C9: variants seen among roughly 807,000 people sequenced by gnomAD.
The protein encoded by C9 is complement component C9.
A neutral mutation model predicts 65.4 loss-of-function variants in C9; 63 were observed. The observed-to-expected ratio is 0.96, with a 90% CI of 0.79 to 1.19. C9 has a LOEUF of 1.19. Among genes scored for constraint, C9 ranks in the 50% most tolerant of loss-of-function variants. The pLI is 0.00. For missense variants in C9, 744 were observed against 670.1 expected, an observed-to-expected ratio of 1.11 and a Z score of -1.22; for synonymous variants, 229 against 227.9, an observed-to-expected ratio of 1.00 and a Z score of -0.04.
At chr5:39,320,129 C>T (rs1753641787) in intron 5 of C9, among the ~76,000 whole-genome samples, 1 of 152,038 alleles carries the variant, frequency 6.6e-6, no homozygotes, top group African/African-American at 2.4e-5. Context: ...CATGGCATCA[C>T]CAAAGGAACA....
At chr5:39,359,541 A>G (rs562264072) in intron 1 of C9, among the ~76,000 whole-genome samples, 1 of 152,250 alleles carries the variant, frequency 6.6e-6, no homozygotes, top group Non-Finnish European at 1.5e-5. Flanking sequence ...TCTAGAGTAA[A>G]GTGGAGAAAT....
intron 9 of C9, among the ~76,000 whole-genome samples, chr5:39,296,639 G>T (rs696132): frequency 1.3e-5 from 2 of 151,394 alleles, no homozygotes; most frequent in African/African-American, 2.4e-5. Context: ...AGAGACATCC[G>T]CACCCTTCTG....
chr5:39,284,623 G>C lies in C9; in HGVS notation c.*576C>G, dbSNP rs1386975114. 2.6e-5 allele frequency: 4 copies of C among 152,350 alleles called. No individual in the cohort carries two copies. The highest frequency in any genetic ancestry group is 2.6e-4 in the Admixed American group (4 of 15,278). 9.4% of individuals were successfully genotyped at this position (152,350 alleles called of 1,614,324 possible). A position where few individuals can be genotyped will look rare whatever the true frequency, so the allele number is the denominator to read the frequency against. ...CCTTCAGTCCTCTGGTAAACTAGTA[G>C]TTTTTGGTTACAAATATAATATGTT... is the stretch of plus-strand genomic sequence containing the variant. On this transcript the variant is annotated 3_prime_UTR_variant, in exon 11 of 11. Transcript: ENST00000263408.
intron 9 of C9, among the ~76,000 whole-genome samples, chr5:39,290,133 GT>G (rs1195966023): frequency 6.6e-6 from 1 of 151,818 alleles, no homozygotes; most frequent in African/African-American, 2.4e-5. Context: ...AATTTTGAAA[GT>G]TTTTAAATGG....
chr5:39,302,842 C>T (rs974109912), intron 9 of C9, among the ~76,000 whole-genome samples: 10 of 152,258 alleles, frequency 6.6e-5, no homozygotes, highest in African/African-American at 2.4e-4. Flanking sequence ...ATTTACTGAT[C>T]TCATGCATTT....
chr5:39,340,055 T>A (rs888192203), intron 4 of C9, among the ~76,000 whole-genome samples: 1 of 152,124 alleles, frequency 6.6e-6, no homozygotes, highest in African/African-American at 2.4e-5. Context: ...TCTTTTTTCC[T>A]CTCCTCATCT....
intron 9 of C9, among the ~76,000 whole-genome samples, chr5:39,290,938 G>A (rs929035717): frequency 1.3e-5 from 2 of 151,902 alleles, no homozygotes; most frequent in Non-Finnish European, 2.9e-5. Flanking sequence ...GATCATTAGT[G>A]GGGATGCTGG....
intron 5 of C9, among the ~76,000 whole-genome samples, chr5:39,320,774 CAA>C (rs1235519290): frequency 3.3e-5 from 5 of 152,146 alleles, no homozygotes; most frequent in Non-Finnish European, 4.4e-5. Flanking sequence ...ATTTTGAAAA[CAA>C]GAGAAGAACA....
Position 39,334,175 on chromosome 5 carries a change from C to T in C9, c.477-2361G>A, listed in dbSNP as rs575679150. ...CCCACCTAGGAAGTGAGGAGCGCCT[C>T]TTCCCGGCCGCCATCCCATCTAGGA... is the stretch of plus-strand genomic sequence containing the variant. On this transcript the variant is annotated intron_variant, in intron 4 of 10. Transcript: ENST00000263408. Among the ~76,000 whole-genome samples, 9 of 151,702 alleles carry T rather than the reference C, an allele frequency of 5.9e-5. No individual in the cohort carries two copies. In the South Asian group the frequency reaches 1.9e-3, roughly 32 times the overall value.
chr5:39,286,725 T>C (rs1252510072), intron 10 of C9, among the ~76,000 whole-genome samples: 1 of 151,948 alleles, frequency 6.6e-6, no homozygotes, highest in Non-Finnish European at 1.5e-5. Flanking sequence ...TGAGAGTTTT[T>C]TTTGGAACGC....
intron 6 of C9, among the ~76,000 whole-genome samples, chr5:39,311,946 A>G (rs1753491832): frequency 6.6e-6 from 1 of 152,216 alleles, no homozygotes; most frequent in Admixed American, 6.5e-5. Context: ...AGTATATCCT[A>G]TATAATTCCA....
At chr5:39,292,212 G>A (rs1169691239) in intron 9 of C9, among the ~76,000 whole-genome samples, 1 of 151,414 alleles carries the variant, frequency 6.6e-6, no homozygotes, top group Non-Finnish European at 1.5e-5. Flanking sequence ...TCTTCAAGGC[G>A]ATGACAACAA....
chr5:39,315,752 C>T, intron 6 of C9, 23 bp downstream of exon 6: 1 of 1,538,152 alleles, frequency 6.5e-7, no homozygotes, highest in South Asian at 1.1e-5. Flanking sequence ...TTCTATATTC[C>T]TATATTAACT....
At chr5:39,310,220 A>G (rs1391268144) in intron 7 of C9, among the ~76,000 whole-genome samples, 1 of 151,900 alleles carries the variant, frequency 6.6e-6, no homozygotes, top group African/African-American at 2.4e-5. Flanking sequence ...GTTACATTCC[A>G]CCCTTCACTT....
chr5:39,339,655 T>C (rs1490043239), intron 4 of C9, among the ~76,000 whole-genome samples: 12 of 95,218 alleles, frequency 1.3e-4, no homozygotes, highest in Admixed American at 2.0e-4. Context: ...TTCTCTCTTT[T>C]TTTTTTTTTT....
At chr5:39,344,914 C>T (rs1471842600) in intron 1 of C9, among the ~76,000 whole-genome samples, 1 of 152,108 alleles carries the variant, frequency 6.6e-6, no homozygotes, top group East Asian at 1.9e-4. Context: ...TCATATCCAG[C>T]CAAACTAAGC....
At chr5:39,312,568 G>T (rs1283554899) in intron 6 of C9, among the ~76,000 whole-genome samples, 3 of 152,230 alleles carry the variant, frequency 2.0e-5, no homozygotes, top group East Asian at 3.9e-4. Context: ...GTCAGCCTAA[G>T]CAACTCAACA....
rs1266509994 is a variant in C9, at chr5:39,308,347, T to G, written c.1123A>C (p.Lys375Gln). Residue 375 changes from lysine to glutamine, a missense_variant, in exon 8 of 11, where the codon AAA becomes CAA. Coordinates refer to ENST00000263408, the MANE Select transcript of C9 (RefSeq NM_001737.5). The stretch of plus-strand genomic sequence containing the variant: ...TACCCAAGGCATCTCTTTATGTCTT[T>G]TAGTTCAACACCTGTTTAATGAATT... ...ASMKRKGVEL[K>Q]DIKRCLGYHL... The G allele has an allele frequency of 1.3e-6, 2 of 1,591,250 alleles. No individual in the cohort carries two copies. The highest frequency in any genetic ancestry group is 1.7e-6 in the Non-Finnish European group (2 of 1,159,314).
At chr5:39,331,146 G>A (rs1392585944) in intron 5 of C9, among the ~76,000 whole-genome samples, 2 of 152,134 alleles carry the variant, frequency 1.3e-5, no homozygotes, top group African/African-American at 2.4e-5. Context: ...TAGAGAATTA[G>A]GTGACTTTAA....
Sources: gnomAD v4.1 joint callset for allele counts (sites outside exome capture counted in the v4.1 genomes callset) on GRCh38, gnomAD v4.1.1 for gene constraint, MANE v1.5 for transcripts, NCBI Gene and HGNC (gene_info 2026-07-23, HGNC 2026-07-21) for gene names.